The following CCBE1 variants were observed in gnomAD, a reference collection of about 807,000 sequenced individuals.
CCBE1 encodes collagen and calcium binding EGF domains 1.
CCBE1 carries 37 observed loss-of-function variants against 50.0 expected under a neutral mutation model. The observed-to-expected ratio is 0.74, with a 90% CI of 0.57 to 0.97. The LOEUF (loss-of-function observed/expected upper bound fraction) is 0.97, where lower values mean the gene tolerates loss of function less well. Ranked by LOEUF, CCBE1 falls within the 50% of genes least tolerant of loss-of-function variation. The pLI, the probability that CCBE1 is intolerant of heterozygous loss-of-function variation, is 0.00. For missense variants in CCBE1, 538 were observed against 523.8 expected, an observed-to-expected ratio of 1.03 and a Z score of -0.26; for synonymous variants, 234 against 203.7, an observed-to-expected ratio of 1.15 and a Z score of -1.27.
chr18:59,696,530 C>G, intron 2 of CCBE1, 99 bp downstream of exon 2: 2 of 1,588,092 alleles, frequency 1.3e-6, no homozygotes, highest in African/African-American at 1.3e-5. Context: ...AAAGCTGCTC[C>G]GGTCCCAAGC....
chr18:59,510,162 G>T (rs1466377398), intron 2 of CCBE1, among the ~76,000 whole-genome samples: 2 of 152,172 alleles, frequency 1.3e-5, no homozygotes, highest in African/African-American at 4.8e-5. Flanking sequence ...ATCTATCTGG[G>T]TATCTATTTT....
chr18:59,485,235 G>T (rs909512966), intron 2 of CCBE1, among the ~76,000 whole-genome samples: 1 of 152,128 alleles, frequency 6.6e-6, no homozygotes, highest in Non-Finnish European at 1.5e-5. Flanking sequence ...CCCCCTGGGT[G>T]CCCCTGAGTA....
chr18:59,516,220 A>C (rs1914364242), intron 2 of CCBE1, among the ~76,000 whole-genome samples: 1 of 151,888 alleles, frequency 6.6e-6, no homozygotes, highest in Admixed American at 6.6e-5. Context: ...CAGCCTCCCA[A>C]AGTGCTGGGA....
intron 5 of CCBE1, chr18:59,458,988 A>G (rs1911336492): frequency 6.6e-6 from 1 of 152,208 alleles, no homozygotes; most frequent in Non-Finnish European, 1.5e-5. Context: ...TACCTTTTAA[A>G]TTGGACAAGT....
At chr18:59,547,444 G>C (rs1915750518) in intron 2 of CCBE1, among the ~76,000 whole-genome samples, 2 of 152,146 alleles carry the variant, frequency 1.3e-5, no homozygotes, top group Admixed American at 1.3e-4. Context: ...GACATGTCCA[G>C]AAGGCAATAG....
intron 2 of CCBE1, among the ~76,000 whole-genome samples, chr18:59,535,170 G>A (rs1015061864): frequency 2.6e-5 from 4 of 152,214 alleles, no homozygotes; most frequent in African/African-American, 9.6e-5. Context: ...GAGATTGACA[G>A]CATCATGAAG....
chr18:59,659,876 G>A (rs538162599), intron 2 of CCBE1, among the ~76,000 whole-genome samples: 7 of 152,196 alleles, frequency 4.6e-5, no homozygotes, highest in Non-Finnish European at 8.8e-5. Context: ...AGTGGACAAA[G>A]CAGAGCTCAG....
rs189693303 is a variant in CCBE1, at chr18:59,565,125, A to C, written c.213-84887T>G. On this transcript the variant is annotated intron_variant, in intron 2 of 10. Coordinates refer to ENST00000439986, the MANE Select transcript of CCBE1 (RefSeq NM_133459.4). The stretch of plus-strand genomic sequence containing the variant: ...AGAGGCAAGGGCCACCCTTCAGGGG[A>C]GCACGAGGAGTCCACTCTGGAGTCT... Among the ~76,000 whole-genome samples the C allele has an allele frequency of 4.0e-3, 613 of 152,292 alleles. 12 individuals carry two copies. The highest frequency in any genetic ancestry group is 0.036 in the Admixed American group (547 of 15,286).
At chr18:59,575,919 C>T (rs2052988329) in intron 2 of CCBE1, among the ~76,000 whole-genome samples, 1 of 152,214 alleles carries the variant, frequency 6.6e-6, no homozygotes, top group African/African-American at 2.4e-5. Flanking sequence ...AGATACAGAA[C>T]ATCACCCTAA....
intron 2 of CCBE1, among the ~76,000 whole-genome samples, chr18:59,643,058 G>C (rs182996097): frequency 6.6e-6 from 1 of 151,988 alleles, no homozygotes; most frequent in East Asian, 1.9e-4. Flanking sequence ...AAATTAAGCA[G>C]TTCACCACTG....
chr18:59,438,089 C>A (rs374440827), intron 10 of CCBE1, 22 bp downstream of exon 10: 7 of 1,613,696 alleles, frequency 4.3e-6, no homozygotes, highest in Non-Finnish European at 5.9e-6. Context: ...CCTGGGGAAG[C>A]AGGACACAGA....
chr18:59,561,801 G>A (rs1475560431), intron 2 of CCBE1, among the ~76,000 whole-genome samples: 3 of 152,200 alleles, frequency 2.0e-5, no homozygotes, highest in Admixed American at 6.5e-5. Flanking sequence ...AGGGAGAGCC[G>A]GCTGTGCAGC....
rs535014075 is a variant in CCBE1, at chr18:59,695,219, T to C, written c.212+1410A>G. On this transcript the variant is annotated intron_variant, in intron 2 of 10. Transcript: ENST00000439986. ...TTAAATTCGAGGCTTTATACTGTGC[T>C]GATAGGAAAACAATGTGTCCTAAGA... 9.8e-5 allele frequency among the ~76,000 whole-genome samples: 15 copies of C among 152,310 alleles called. No individual in the cohort carries two copies. The South Asian group carries it at 2.7e-3, about 27-fold the overall frequency.
chr18:59,451,424 C>G (rs1481616685), intron 6 of CCBE1, among the ~76,000 whole-genome samples: 1 of 105,246 alleles, frequency 9.5e-6, no homozygotes, highest in Non-Finnish European at 1.8e-5. Flanking sequence ...TGCCAGAACA[C>G]AAGCAACTTA....
intron 2 of CCBE1, among the ~76,000 whole-genome samples, chr18:59,580,656 C>G (rs949140208): frequency 6.6e-6 from 1 of 152,166 alleles, no homozygotes; most frequent in Admixed American, 6.5e-5. Context: ...GCGACTTGCC[C>G]AAAGTAGGAG....
intron 2 of CCBE1, among the ~76,000 whole-genome samples, chr18:59,518,811 C>G (rs1029627591): frequency 3.9e-5 from 6 of 152,192 alleles, no homozygotes; most frequent in African/African-American, 1.4e-4. Flanking sequence ...CCAGAGTCTG[C>G]ACACCCGCTG....
At chr18:59,639,238 C>T (rs1170545124) in intron 2 of CCBE1, among the ~76,000 whole-genome samples, 1 of 152,114 alleles carries the variant, frequency 6.6e-6, no homozygotes, top group Non-Finnish European at 1.5e-5. Flanking sequence ...ACCCACACTC[C>T]AGCACAGGTG....
intron 3 of CCBE1, among the ~76,000 whole-genome samples, chr18:59,472,417 C>T (rs541891397): frequency 6.6e-6 from 1 of 152,330 alleles, no homozygotes; most frequent in East Asian, 1.9e-4. Context: ...ACAATTCAAT[C>T]TACATATTCA....
intron 2 of CCBE1, among the ~76,000 whole-genome samples, chr18:59,547,768 C>T (rs1457055745): frequency 1.3e-5 from 2 of 152,194 alleles, no homozygotes; most frequent in East Asian, 3.9e-4. Flanking sequence ...GTGGTGTGGG[C>T]TACGTCTGGG....
Sources: gnomAD v4.1 joint callset for allele counts (sites outside exome capture counted in the v4.1 genomes callset) on GRCh38, gnomAD v4.1.1 for gene constraint, MANE v1.5 for transcripts, NCBI Gene and HGNC (gene_info 2026-07-23, HGNC 2026-07-21) for gene names.